LRRN4: variants seen among roughly 807,000 people sequenced by gnomAD.
The protein encoded by LRRN4 is leucine-rich repeat neuronal protein 4.
LRRN4 carries 26 observed loss-of-function variants against 22.3 expected under a neutral mutation model. The ratio of observed to expected loss-of-function variants is 1.16; its 90% CI spans 0.85 to 1.62. The LOEUF is 1.62. Among genes scored for constraint, LRRN4 ranks in the 40% most tolerant of loss-of-function variants. LRRN4 has a pLI of 0.00. For missense variants in LRRN4, 1,070 were observed against 1,008.5 expected (o/e 1.06, Z -0.83); for synonymous variants, 496 against 486.2 (o/e 1.02, Z -0.26).
intron 3 of LRRN4, among the ~76,000 whole-genome samples, chr20:6,045,885 T>C (rs1981089671): frequency 6.7e-6 from 1 of 148,916 alleles, no homozygotes; most frequent in South Asian, 2.1e-4. Context: ...GGATCCCCAA[T>C]AGCAGGAGAG....
rs1320875835 is a variant in LRRN4, at chr20:6,052,886, C to A, written c.-5-82G>T. 2.9e-6 allele frequency: 4 copies of A among 1,372,788 alleles called. No individual in the cohort carries two copies. The African/African-American group carries it at 4.3e-5, about 15-fold the overall frequency. 85.0% of individuals were successfully genotyped at this position (1,372,788 alleles called of 1,614,324 possible). On this transcript the variant is annotated intron_variant, in intron 1 of 4. Transcript: ENST00000378858. Reference sequence around the variant, plus strand: ...TCAGATGCGCGTCCCAACCCTACCTCCAGGGCTCTGAGGAGGAGCACAGGC... The same window carrying A: ...TCAGATGCGCGTCCCAACCCTACCTACAGGGCTCTGAGGAGGAGCACAGGC...
chr20:6,042,796 G>A (rs1364254609), intron 4 of LRRN4, among the ~76,000 whole-genome samples: 1 of 151,766 alleles, frequency 6.6e-6, no homozygotes, highest in East Asian at 1.9e-4. Flanking sequence ...GCGGGTGCCT[G>A]TAATCCCAGC....
chr20:6,040,946 G>A lies in LRRN4; in HGVS notation c.*76C>T. The A allele has an allele frequency of 2.5e-6, 4 of 1,571,816 alleles. No individual in the cohort carries two copies. The highest frequency in any genetic ancestry group is 3.5e-6 in the Non-Finnish European group (4 of 1,157,212). Reference sequence around the variant, plus strand: ...ATTAGAAACCCTAGGAGCGGATGGGGTCGTTTTTGACCGTCTGTGTCTTCC... The same window carrying A: ...ATTAGAAACCCTAGGAGCGGATGGGATCGTTTTTGACCGTCTGTGTCTTCC... On this transcript the variant is annotated 3_prime_UTR_variant, in exon 5 of 5. Transcript: ENST00000378858.
intron 3 of LRRN4, among the ~76,000 whole-genome samples, chr20:6,047,467 CAG>C (rs1282846126): frequency 0.013 from 1,529 of 121,878 alleles, 7 homozygotes; most frequent in Middle Eastern, 0.022. Context: ...CACACACACA[CAG>C]AGACACACAC....
Position 6,041,959 on chromosome 20 carries a change from G to A in LRRN4, c.1286C>T (p.Thr429Ile), listed in dbSNP as rs1347981361. The A allele has an allele frequency of 6.2e-7, 1 of 1,614,124 alleles. No homozygotes were observed. Among genetic ancestry groups the A allele is most frequent in the African/African-American group, 1.3e-5 (1 of 75,040 alleles). Residue 429 changes from threonine to isoleucine, a missense_variant, in exon 5 of 5, where the codon ACT becomes ATT. Physicochemically the swap from Thr to Ile is moderately conservative, Grantham distance 89. Transcript: ENST00000378858. This position sits in a 1 kb window ranked among gnomAD's most constrained non-coding sequence, Gnocchi z 9.4. Reference protein sequence around the residue: ...AWPHSDAREGTAPSTTNSVAG... With the variant: ...AWPHSDAREGIAPSTTNSVAG... ...TACAGAGTTGGTCGTGGAGGGGGCA[G>A]TCCCCTCCCGTGCATCGCTGTGCGG...
In LRRN4 at chr20:6,041,324, GC is replaced by G; in HGVS notation, c.1920del (p.Leu641CysfsTer19). 3.8e-6 allele frequency: 6 copies of G among 1,597,840 alleles called. No individual in the cohort carries two copies. Among genetic ancestry groups the G allele is most frequent in the Non-Finnish European group, 5.1e-6 (6 of 1,176,034 alleles). ...ACGCGGTAGGTGGTGCCCGGCGACA[GC>G]CCGTACAGAGGGTGCTGCCGGGCCG... ...YATARQHPLY[G>X]LSPGTTYRVC... On this transcript the variant is annotated frameshift_variant, in exon 5 of 5. Transcript: ENST00000378858. LOFTEE classifies it low-confidence loss of function (END_TRUNC). This position sits in a 1 kb window ranked among gnomAD's most constrained non-coding sequence, Gnocchi z 9.4.
chr20:6,046,882 A>G lies in LRRN4; in HGVS notation c.861-2202T>C, dbSNP rs1981112101. On this transcript the variant is annotated intron_variant, in intron 3 of 4. Transcript: ENST00000378858. ...TACATAGCTAGAATGGAAATGTTAG[A>G]ATGAGAGTTCAATCAGTATTTTTGT... Among the ~76,000 whole-genome samples the G allele has an allele frequency of 1.3e-5, 2 of 150,270 alleles. 1 individual carries two copies. Among genetic ancestry groups the G allele is most frequent in the Non-Finnish European group, 3.0e-5 (2 of 67,126 alleles).
rs1980909392 is a variant in LRRN4, at chr20:6,040,966, T to C, written c.*56A>G. 4 of 1,601,460 alleles carry C rather than the reference T, an allele frequency of 2.5e-6. No homozygotes were observed. The highest frequency in any genetic ancestry group is 1.7e-5 in the Admixed American group (1 of 58,266). Reference sequence around the variant, plus strand: ...ATGGGGTCGTTTTTGACCGTCTGTGTCTTCCTTTTTGCGCTCAGATCCAGT... The same window carrying C: ...ATGGGGTCGTTTTTGACCGTCTGTGCCTTCCTTTTTGCGCTCAGATCCAGT... On this transcript the variant is annotated 3_prime_UTR_variant, in exon 5 of 5. Transcript: ENST00000378858.
At position 6,050,887 on chromosome 20, in the gene LRRN4, A is replaced by G. The variant is rs1317700931; in HGVS notation, c.752T>C (p.Met251Thr). 1.2e-6 allele frequency: 2 copies of G among 1,614,180 alleles called. No homozygotes were observed. Among genetic ancestry groups the G allele is most frequent in the Non-Finnish European group, 8.5e-7 (1 of 1,180,026 alleles). Residue 251 changes from methionine to threonine, a missense_variant, in exon 3 of 5, where the codon ATG becomes ACG. Transcript: ENST00000378858. ...LTTLEGDIFK[M>T]TPNLQQLDCQ... ...GTCCAGCTGCTGCAGGTTGGGGGTC[A>G]TCTTGAAAATGTCCCCCTCCAGGGT... is the stretch of plus-strand genomic sequence containing the variant.
rs1342786727 is a variant in LRRN4, at chr20:6,044,542, C to A, written c.998+1G>T. ...AGCCATCTGCTTTGTAAATGTGTTACCTGCTTAGGACAGTTCTCTTTGCAT... is the reference window on the plus strand; with the variant it reads ...AGCCATCTGCTTTGTAAATGTGTTAACTGCTTAGGACAGTTCTCTTTGCAT... On this transcript the variant is annotated splice_donor_variant, in intron 4 of 4. Transcript: ENST00000378858. LOFTEE classifies it high-confidence loss of function. 9 of 1,524,246 alleles carry A rather than the reference C, an allele frequency of 5.9e-6. No homozygotes were observed. The highest frequency in any genetic ancestry group is 1.4e-5 in the African/African-American group (1 of 71,504). The allele number at this position is 1,524,246 out of a possible 1,614,324, so 94.4% of individuals were successfully genotyped here.
In LRRN4 at chr20:6,042,203, G is replaced by C. The variant is rs771479846; in HGVS notation, c.1042C>G (p.Pro348Ala). 2 of 1,613,836 alleles carry C rather than the reference G, an allele frequency of 1.2e-6. No individual in the cohort carries two copies. Among genetic ancestry groups the C allele is most frequent in the South Asian group, 1.1e-5 (1 of 91,068 alleles). ...GAGAGTGACAGGGAGGCTGAGAAGG[G>C]GCCGCTGGATCCCGCAGCTGGCGCG... ...MCAPAAGSSG[P>A]FSASLSLSQL... is the part of the protein sequence containing the mutation. The change falls in exon 5 of 5, where the codon CCC becomes GCC. Residue 348 changes from proline (P) to alanine (A), a missense_variant. By Grantham distance (27) the Pro-to-Ala change is conservative. Coordinates refer to ENST00000378858, the MANE Select transcript of LRRN4 (RefSeq NM_152611.5).
rs768777949 is a variant in LRRN4, at chr20:6,042,157, TG to T, written c.1087del (p.Gln363SerfsTer55). On this transcript the variant is annotated frameshift_variant, in exon 5 of 5. Coordinates refer to ENST00000378858, the MANE Select transcript of LRRN4 (RefSeq NM_152611.5). LOFTEE classifies it low-confidence loss of function (END_TRUNC). ...CCCGAGAGTGGTGCTTTGGTCGGAC[TG>T]GCACACTCCGGGCAGCTGGGAGAGT... The part of the protein sequence containing the change: ...LSLSQLPGVC[Q>X]SDQSTTLGAS... 6.2e-7 allele frequency: 1 copy of T among 1,614,134 alleles called. No individual in the cohort carries two copies. Among genetic ancestry groups the T allele is most frequent in the Non-Finnish European group, 8.5e-7 (1 of 1,180,020 alleles).
Position 6,041,122 on chromosome 20 carries a change from C to A in LRRN4, c.2123G>T (p.Arg708Leu), listed in dbSNP as rs77819407. Residue 708 changes from arginine to leucine, a missense_variant, in exon 5 of 5, where the codon CGG (arginine) becomes CTG (leucine). Arg to Leu is a moderately radical substitution (Grantham distance 102). Transcript: ENST00000378858. The surrounding 1 kb of genome is among the most constrained non-coding windows in gnomAD (Gnocchi z 9.4). ...GCGCTGCAGGCCCAGCGTCTGGCCC[C>A]GCCTGCAGAGACATGCGGACAGCAC... Reference protein sequence around the residue: ...TVVLSACLCRRGQTLGLQRCD... With the variant: ...TVVLSACLCRLGQTLGLQRCD... 2.9e-3 allele frequency: 4,616 copies of A among 1,611,820 alleles called. 123 individuals carry two copies. In the African/African-American group the frequency reaches 0.055, roughly 19 times the overall value.
rs1980922958 is a variant in LRRN4, at chr20:6,041,188, C to T, written c.2057G>A (p.Gly686Glu). Reference protein sequence around the residue: ...TKPSFALLLSGLCAASGLLLA... With the variant: ...TKPSFALLLSELCAASGLLLA... ...CAACAGGCCGCTGGCGGCGCACAGCCCAGAGAGCAGGAGCGCGAAGCTGGG... is the reference window on the plus strand; with the variant it reads ...CAACAGGCCGCTGGCGGCGCACAGCTCAGAGAGCAGGAGCGCGAAGCTGGG... Residue 686 changes from glycine to glutamate, a missense_variant, in exon 5 of 5, where the codon GGG becomes GAG. Physicochemically the swap from Gly to Glu is moderately conservative, Grantham distance 98. Coordinates refer to ENST00000378858, the MANE Select transcript of LRRN4 (RefSeq NM_152611.5). The surrounding 1 kb of genome is among the most constrained non-coding windows in gnomAD (Gnocchi z 9.4). 2.5e-6 allele frequency: 4 copies of T among 1,595,958 alleles called. No homozygotes were observed. The highest frequency in any genetic ancestry group is 3.4e-6 in the Non-Finnish European group (4 of 1,170,472).
chr20:6,041,522 C>T lies in LRRN4; in HGVS notation c.1723G>A (p.Gly575Arg), dbSNP rs1029028411. ...GGCGGGTCTGGGATGGTGTCTTCCC[C>T]GCTGAGGCCGGGGCACCGGCACCGC... ...RWRCRCPGLS[G>R]EDTIPDPPRL... The change falls in exon 5 of 5, where the codon GGG (glycine) becomes AGG (arginine). Residue 575 changes from glycine (G) to arginine (R), a missense_variant. Coordinates refer to ENST00000378858, the MANE Select transcript of LRRN4 (RefSeq NM_152611.5). This position sits in a 1 kb window ranked among gnomAD's most constrained non-coding sequence, Gnocchi z 9.4. 2 of 1,555,612 alleles carry T rather than the reference C, an allele frequency of 1.3e-6. No individual in the cohort carries two copies. The highest frequency in any genetic ancestry group is 1.9e-5 in the Admixed American group (1 of 53,104).
chr20:6,052,386 C>A lies in LRRN4; in HGVS notation c.414G>T (p.Pro138=). Residue 138 remains proline, a synonymous_variant, in exon 2 of 5, where the codon CCG becomes CCT. Coordinates refer to ENST00000378858, the MANE Select transcript of LRRN4 (RefSeq NM_152611.5). ...TGCTCAGCGCGGGCCCGGTGCACGG[C>A]GGCAGAGCGGCCAGCTGGTTGTAGC... ...DLSYNQLAAL[P]PCTGPALSSL... The A allele has an allele frequency of 1.3e-6, 2 of 1,526,092 alleles. No individual in the cohort carries two copies. Among genetic ancestry groups the A allele is most frequent in the Middle Eastern group, 2.2e-4 (1 of 4,522 alleles). 94.5% of individuals were successfully genotyped at this position (1,526,092 alleles called of 1,614,324 possible).
At chr20:6,048,012 G>A (rs1178555596) in intron 3 of LRRN4, among the ~76,000 whole-genome samples, 1 of 152,052 alleles carries the variant, frequency 6.6e-6, no homozygotes, top group Non-Finnish European at 1.5e-5. Context: ...GGATGGAAAT[G>A]AAATGAGTCC....
chr20:6,044,340 A>T (rs12480532), intron 4 of LRRN4, among the ~76,000 whole-genome samples: 10,960 of 152,236 alleles, frequency 0.072, 551 homozygotes, highest in African/African-American at 0.14. Flanking sequence ...CTGCTCCTCC[A>T]TGCTCTTTGC....
In LRRN4 at chr20:6,050,959, AG is replaced by A; in HGVS notation, c.679del (p.Leu227CysfsTer9). On this transcript the variant is annotated frameshift_variant, in exon 3 of 5. Coordinates refer to ENST00000378858, the MANE Select transcript of LRRN4 (RefSeq NM_152611.5). LOFTEE classifies it high-confidence loss of function. ...CAGGTAGAGGGATGTGAGCTTCGGC[AG>A]GTCTCTGATCCACCCTGACTCAACT... ...ERVESGWIRD[L>X]PKLTSLYLRK... 1.2e-6 allele frequency: 2 copies of A among 1,614,090 alleles called. No individual in the cohort carries two copies. The highest frequency in any genetic ancestry group is 1.7e-6 in the Non-Finnish European group (2 of 1,180,016).
Sources: gnomAD v4.1 joint callset for allele counts (sites outside exome capture counted in the v4.1 genomes callset) on GRCh38, gnomAD v4.1.1 for gene constraint, Gnocchi (gnomAD v3.1) non-coding constraint, MANE v1.5 for transcripts, NCBI Gene and HGNC (gene_info 2026-07-23, HGNC 2026-07-21) for gene names.